OSTN: variants seen among roughly 807,000 people sequenced by gnomAD.
The protein encoded by OSTN is osteocrin.
Under a neutral mutation model 12.0 loss-of-function variants are expected in OSTN, and 9 were observed. That is an observed-to-expected ratio of 0.75 (90% CI 0.45 to 1.30). The LOEUF (loss-of-function observed/expected upper bound fraction) is 1.30, where lower values mean the gene tolerates loss of function less well. Among genes scored for constraint, OSTN ranks in the 50% most tolerant of loss-of-function variants. The pLI is 0.00. For missense variants in OSTN, 148 were observed against 152.3 expected (o/e 0.97, Z 0.15); for synonymous variants, 59 against 56.9 (o/e 1.04, Z -0.16).
chr3:191,218,784 C>G lies in OSTN; in HGVS notation c.140C>G (p.Pro47Arg). 6.2e-7 allele frequency: 1 copy of G among 1,614,006 alleles called. No homozygotes were observed. Among genetic ancestry groups the G allele is most frequent in the African/African-American group, 1.3e-5 (1 of 75,008 alleles). Reference sequence around the variant, plus strand: ...GGAGTCATAGATGTGCAGTCAACACCCACAGTCAGGGAAGAGAAATCAGCC... The same window carrying G: ...GGAGTCATAGATGTGCAGTCAACACGCACAGTCAGGGAAGAGAAATCAGCC... The part of the protein sequence containing the change: ...DSGVIDVQST[P>R]TVREEKSATD... Residue 47 changes from proline (P) to arginine (R), a missense_variant, in exon 3 of 5, where the codon CCC becomes CGC. Pro to Arg is a moderately radical substitution (Grantham distance 103). Coordinates refer to ENST00000682035, the MANE Select transcript of OSTN (RefSeq NM_198184.2).
intron 4 of OSTN, among the ~76,000 whole-genome samples, chr3:191,256,171 T>C (rs1715665652): frequency 6.6e-6 from 1 of 152,094 alleles, no homozygotes; most frequent in African/African-American, 2.4e-5. Context: ...AATTAAATAC[T>C]ACTGATAACA....
intron 4 of OSTN, among the ~76,000 whole-genome samples, chr3:191,254,446 C>A (rs58052597): frequency 0.26 from 39,404 of 151,916 alleles, 5,798 homozygotes; most frequent in East Asian, 0.41. Flanking sequence ...TTCAGTCTGC[C>A]GGGCTTTATG....
chr3:191,254,732 C>A (rs991195546), intron 4 of OSTN, among the ~76,000 whole-genome samples: 11 of 152,142 alleles, frequency 7.2e-5, no homozygotes, highest in Non-Finnish European at 1.5e-4. Context: ...AAGTTTTAGT[C>A]ATATTATATA....
At chr3:191,221,156 C>A (rs2108534506) in intron 3 of OSTN, among the ~76,000 whole-genome samples, 1 of 152,260 alleles carries the variant, frequency 6.6e-6, no homozygotes, top group Non-Finnish European at 1.5e-5. Context: ...ATGTTTATTT[C>A]CCCTTCTGCC....
chr3:191,224,664 T>C (rs536186211), intron 3 of OSTN, among the ~76,000 whole-genome samples: 6 of 152,126 alleles, frequency 3.9e-5, no homozygotes, highest in African/African-American at 1.4e-4. Context: ...AACTGAAATA[T>C]AGTAAAACTA....
intron 4 of OSTN, among the ~76,000 whole-genome samples, chr3:191,261,884 G>A (rs1715818848): frequency 6.6e-6 from 1 of 152,188 alleles, no homozygotes; most frequent in Non-Finnish European, 1.5e-5. Context: ...TTCTAGGTCT[G>A]TGCCATTGAA....
At chr3:191,218,443 GA>G (rs1466507614) in intron 2 of OSTN, among the ~76,000 whole-genome samples, 1 of 152,078 alleles carries the variant, frequency 6.6e-6, no homozygotes, top group East Asian at 1.9e-4. Context: ...CCAACATGGT[GA>G]AACCCCATCT....
intron 3 of OSTN, among the ~76,000 whole-genome samples, chr3:191,240,323 T>C (rs920135992): frequency 6.6e-6 from 1 of 152,214 alleles, no homozygotes; most frequent in South Asian, 2.1e-4. Flanking sequence ...AATGTAAACA[T>C]TTTAGTTTTG....
chr3:191,212,863 C>CTTTCTTTTT (rs1714498290), intron 2 of OSTN, among the ~76,000 whole-genome samples: 1 of 104,662 alleles, frequency 9.6e-6, no homozygotes, highest in African/African-American at 3.4e-5. Flanking sequence ...CTTTTCTTTT[C>CTTTCTTTTT]TTTCTTTTTT....
chr3:191,241,169 T>TC (rs1715310979), intron 3 of OSTN, among the ~76,000 whole-genome samples: 2 of 64,618 alleles, frequency 3.1e-5, no homozygotes, highest in Non-Finnish European at 4.8e-5. Flanking sequence ...TGCCTTGACT[T>TC]TTTTTTTTTT....
At chr3:191,236,368 G>A (rs1238872197) in intron 3 of OSTN, among the ~76,000 whole-genome samples, 1 of 152,104 alleles carries the variant, frequency 6.6e-6, no homozygotes, top group African/African-American at 2.4e-5. Context: ...CCAAGAGAGG[G>A]TTCTTGGATG....
chr3:191,230,592 C>T (rs1253949213), intron 3 of OSTN, among the ~76,000 whole-genome samples: 1 of 136,908 alleles, frequency 7.3e-6, no homozygotes, highest in Non-Finnish European at 1.6e-5. Flanking sequence ...AAAAAAGACA[C>T]ATTCTTAAAA....
chr3:191,213,314 G>A (rs1202469219), intron 2 of OSTN: 1 of 151,992 alleles, frequency 6.6e-6, no homozygotes, highest in Non-Finnish European at 1.5e-5. Flanking sequence ...TCTTTTTATT[G>A]CCAACATGCC....
intron 2 of OSTN, among the ~76,000 whole-genome samples, chr3:191,218,161 G>T (rs1714669540): frequency 6.6e-6 from 1 of 152,180 alleles, no homozygotes; most frequent in East Asian, 1.9e-4. Context: ...GGATGAAGTT[G>T]TTGCTGAAAC....
intron 3 of OSTN, among the ~76,000 whole-genome samples, chr3:191,230,215 G>C (rs1377891389): frequency 6.6e-6 from 1 of 151,752 alleles, no homozygotes; most frequent in African/African-American, 2.4e-5. Flanking sequence ...AGGTTAAGTG[G>C]GATTATTCTG....
intron 3 of OSTN, among the ~76,000 whole-genome samples, chr3:191,223,498 G>C (rs1413070302): frequency 6.6e-6 from 1 of 152,148 alleles, no homozygotes. Context: ...AAACTTTCAG[G>C]TAAAACGTGA....
At chr3:191,236,886 G>A (rs369639870) in intron 3 of OSTN, among the ~76,000 whole-genome samples, 8 of 152,034 alleles carry the variant, frequency 5.3e-5, no homozygotes, top group African/African-American at 1.7e-4. Context: ...AGTCACTCTG[G>A]TTCAAATGCC....
At chr3:191,235,070 A>G (rs1214970551) in intron 3 of OSTN, among the ~76,000 whole-genome samples, 19 of 152,164 alleles carry the variant, frequency 1.2e-4, no homozygotes, top group Admixed American at 1.2e-3. Context: ...TGAAAGAGAA[A>G]AACTCCATAA....
chr3:191,208,404 CA>C (rs1369570335), intron 1 of OSTN, among the ~76,000 whole-genome samples: 1 of 152,166 alleles, frequency 6.6e-6, no homozygotes, highest in African/African-American at 2.4e-5. Context: ...TGGCAGGTGC[CA>C]GGGTGTTTGT....
Sources: gnomAD v4.1 joint callset for allele counts (sites outside exome capture counted in the v4.1 genomes callset) on GRCh38, gnomAD v4.1.1 for gene constraint, MANE v1.5 for transcripts, NCBI Gene and HGNC (gene_info 2026-07-23, HGNC 2026-07-21) for gene names.